PTPRM: variants seen among roughly 807,000 people sequenced by gnomAD.
PTPRM encodes the protein protein tyrosine phosphatase receptor type M, also known as receptor-type tyrosine-protein phosphatase mu.
PTPRM carries 47 observed loss-of-function variants against 186.7 expected under a neutral mutation model. That is an observed-to-expected ratio of 0.25 (90% CI 0.20 to 0.32). The LOEUF is 0.32. PTPRM is among the 10% of genes least tolerant of loss of function. PTPRM has a pLI of 1.00. For missense variants in PTPRM, 1,494 were observed against 1,865.0 expected (o/e 0.80, Z 3.66); for synonymous variants, 668 against 674.9 (o/e 0.99, Z 0.16).
chr18:7,973,040 T>G (rs910133872), intron 7 of PTPRM, among the ~76,000 whole-genome samples: 2 of 152,174 alleles, frequency 1.3e-5, no homozygotes, highest in African/African-American at 4.8e-5. Flanking sequence ...ACATGTTATA[T>G]AAACATATAT....
intron 7 of PTPRM, among the ~76,000 whole-genome samples, chr18:7,960,470 TATATATATATAC>T (rs1414744487): frequency 0.018 from 2,104 of 115,946 alleles, 55 homozygotes; most frequent in African/African-American, 0.065. Flanking sequence ...TATATATATA[TATATATATATAC>T]ACACACACAC....
At chr18:7,652,459 T>C (rs1401413639) in intron 1 of PTPRM, among the ~76,000 whole-genome samples, 1 of 152,032 alleles carries the variant, frequency 6.6e-6, no homozygotes, top group Non-Finnish European at 1.5e-5. Flanking sequence ...CAAACGTATG[T>C]TTATTGCGGC....
intron 1 of PTPRM, among the ~76,000 whole-genome samples, chr18:7,768,677 A>G (rs7242450): frequency 0.17 from 24,421 of 145,362 alleles, 6,132 homozygotes; most frequent in African/African-American, 0.55. Context: ...TTGGAGTTTC[A>G]CTCTTGTTGC....
Position 8,406,170 on chromosome 18 carries a change from A to C in PTPRM, c.*8A>C, listed in dbSNP as rs1568924581. 1 of 1,613,396 alleles carries C rather than the reference A, an allele frequency of 6.2e-7. No homozygotes were observed. The highest frequency in any genetic ancestry group is 8.5e-7 in the Non-Finnish European group (1 of 1,179,456). ...TACTTGAATTCTGGCTGATGGTGTA[A>C]ACAGCTCTGCAAACAATCCCTTTCA... On this transcript the variant is annotated 3_prime_UTR_variant, in exon 33 of 33. Coordinates refer to ENST00000580170, the MANE Select transcript of PTPRM (RefSeq NM_001105244.2).
intron 3 of PTPRM, among the ~76,000 whole-genome samples, chr18:7,889,531 G>C (rs561200533): frequency 2.6e-5 from 4 of 151,808 alleles, no homozygotes. Flanking sequence ...TAGAGACAGG[G>C]CCTTGCTATG....
chr18:8,085,278 A>G (rs1056323954), intron 9 of PTPRM, among the ~76,000 whole-genome samples: 110 of 152,174 alleles, frequency 7.2e-4, no homozygotes, highest in African/African-American at 2.6e-3. Flanking sequence ...AAGTCAAATT[A>G]TGGCCACTAG....
chr18:8,150,508 G>T (rs761775296), intron 14 of PTPRM, among the ~76,000 whole-genome samples: 2 of 151,962 alleles, frequency 1.3e-5, no homozygotes, highest in Non-Finnish European at 2.9e-5. Context: ...GGTCATTTAT[G>T]TTCTTCTCTA....
At chr18:8,098,706 C>T (rs74694552) in intron 11 of PTPRM, among the ~76,000 whole-genome samples, 4,382 of 152,158 alleles carry the variant, frequency 0.029, 103 homozygotes, top group African/African-American at 0.073. Flanking sequence ...AATTTGCAGG[C>T]TTATACTGAC....
At chr18:8,183,928 G>A (rs1410571383) in intron 14 of PTPRM, among the ~76,000 whole-genome samples, 1 of 152,196 alleles carries the variant, frequency 6.6e-6, no homozygotes. Context: ...TCTGGCCCAT[G>A]AGTAGAAGTC....
At chr18:8,266,213 T>C (rs991903929) in intron 19 of PTPRM, among the ~76,000 whole-genome samples, 2 of 152,144 alleles carry the variant, frequency 1.3e-5, no homozygotes, top group Admixed American at 1.3e-4. Context: ...TATCAAGTTC[T>C]CACAGTGTCT....
chr18:7,981,077 A>G (rs2082523105), intron 7 of PTPRM, among the ~76,000 whole-genome samples: 2 of 152,130 alleles, frequency 1.3e-5, no homozygotes, highest in South Asian at 2.1e-4. Context: ...TCTTGAGATC[A>G]AGGTGCTCTT....
chr18:8,378,518 C>A, intron 27 of PTPRM, 104 bp downstream of exon 27: 1 of 1,376,368 alleles, frequency 7.3e-7, no homozygotes, highest in Non-Finnish European at 9.9e-7. Context: ...GTTCCTTGGC[C>A]TCCATAGCAC....
intron 22 of PTPRM, among the ~76,000 whole-genome samples, chr18:8,335,984 C>T (rs917400912): frequency 6.6e-6 from 1 of 151,846 alleles, no homozygotes; most frequent in Admixed American, 6.6e-5. Flanking sequence ...ATCGCGCCAC[C>T]GCACTCCAGC....
At chr18:7,773,579 T>TG (rs2042432830) in intron 1 of PTPRM, among the ~76,000 whole-genome samples, 2 of 150,556 alleles carry the variant, frequency 1.3e-5, no homozygotes, top group African/African-American at 4.9e-5. Context: ...TGTTTTTTTT[T>TG]TTTTTTTTTG....
At chr18:7,769,915 G>A (rs1483400347) in intron 1 of PTPRM, among the ~76,000 whole-genome samples, 2 of 152,158 alleles carry the variant, frequency 1.3e-5, no homozygotes, top group African/African-American at 4.8e-5. Flanking sequence ...AAAAGAGAGA[G>A]AATGAGTGAT....
chr18:7,950,815 C>T (rs2052898276), intron 6 of PTPRM, among the ~76,000 whole-genome samples: 1 of 152,030 alleles, frequency 6.6e-6, no homozygotes, highest in Admixed American at 6.5e-5. Context: ...AAATACCTGC[C>T]CACCTATTGT....
At chr18:7,947,831 C>T (rs1238776713) in intron 5 of PTPRM, among the ~76,000 whole-genome samples, 1 of 152,092 alleles carries the variant, frequency 6.6e-6, no homozygotes. Context: ...TTTCCTAAAC[C>T]ACCCTGGCCA....
chr18:7,997,215 G>T (rs1255575969), intron 7 of PTPRM, among the ~76,000 whole-genome samples: 1 of 152,106 alleles, frequency 6.6e-6, no homozygotes, highest in Non-Finnish European at 1.5e-5. Context: ...GAACAGAAGA[G>T]AACCTGTTAA....
chr18:7,927,235 C>T (rs1156231412), intron 5 of PTPRM, among the ~76,000 whole-genome samples: 1 of 152,078 alleles, frequency 6.6e-6, no homozygotes. Flanking sequence ...CAGAGGGTTG[C>T]GTGGATACAT....
Sources: gnomAD v4.1 joint callset for allele counts (sites outside exome capture counted in the v4.1 genomes callset) on GRCh38, gnomAD v4.1.1 for gene constraint, MANE v1.5 for transcripts, NCBI Gene and HGNC (gene_info 2026-07-23, HGNC 2026-07-21) for gene names.